ZNF141: variants seen among roughly 807,000 people sequenced by gnomAD.
ZNF141 encodes the protein zinc finger protein 141.
A neutral mutation model predicts 11.3 loss-of-function variants in ZNF141; 7 were observed. The ratio of observed to expected loss-of-function variants is 0.62; its 90% CI spans 0.35 to 1.16. The LOEUF is 1.16. Ranked by LOEUF, ZNF141 falls within the 50% of genes most tolerant of loss-of-function variation. The probability of loss-of-function intolerance (pLI) is 0.02; values close to 1 mark genes in which losing one functional copy is unlikely to be tolerated. For missense variants in ZNF141, 535 were observed against 554.0 expected (o/e 0.97, Z 0.34); for synonymous variants, 183 against 190.7 (o/e 0.96, Z 0.33).
In ZNF141 at chr4:372,673, C is replaced by T. The variant is rs781893905; in HGVS notation, c.236C>T (p.Ser79Phe). Residue 79 changes from serine to phenylalanine, a missense_variant, in exon 4 of 4, where the codon TCT becomes TTT. Transcript: ENST00000240499. Reference protein sequence around the residue: ...KIVARPPAMCSHFTQDHWPVQ... With the variant: ...KIVARPPAMCFHFTQDHWPVQ... ...TTTTTATTTCTTTCAGCTATGTGTTCTCATTTCACCCAAGACCATTGGCCA... is the reference window on the plus strand; with the variant it reads ...TTTTTATTTCTTTCAGCTATGTGTTTTCATTTCACCCAAGACCATTGGCCA... 2.6e-6 allele frequency: 4 copies of T among 1,516,016 alleles called. No homozygotes were observed. Among genetic ancestry groups the T allele is most frequent in the Non-Finnish European group, 3.5e-6 (4 of 1,130,850 alleles). The allele number at this position is 1,516,016 out of a possible 1,614,324, so 93.9% of individuals were successfully genotyped here.
At chr4:354,314 G>A (rs1721748356) in intron 3 of ZNF141, among the ~76,000 whole-genome samples, 1 of 152,160 alleles carries the variant, frequency 6.6e-6, no homozygotes, top group African/African-American at 2.4e-5. Context: ...GCATGCCCAA[G>A]GTCACCCTGC....
At position 372,879 on chromosome 4, in the gene ZNF141, A is replaced by G; in HGVS notation, c.442A>G (p.Lys148Glu). The stretch of plus-strand genomic sequence containing the variant: ...TACCCAGAGCAAAATACTTCAGTGT[A>G]AAGCAAGTGTCAAAGTTGTTAGTAA... ...STTQSKILQC[K>E]ASVKVVSKFS... The change falls in exon 4 of 4, where the codon AAA becomes GAA. Residue 148 changes from lysine to glutamate, a missense_variant. Lys to Glu is a moderately conservative substitution (Grantham distance 56). Coordinates refer to ENST00000240499, the MANE Select transcript of ZNF141 (RefSeq NM_003441.4). 1 of 1,613,412 alleles carries G rather than the reference A, an allele frequency of 6.2e-7. No individual in the cohort carries two copies. The highest frequency in any genetic ancestry group is 8.5e-7 in the Non-Finnish European group (1 of 1,179,490).
chr4:355,058 T>TGC (rs1721779967), intron 3 of ZNF141, among the ~76,000 whole-genome samples: 1 of 152,138 alleles, frequency 6.6e-6, no homozygotes, highest in Admixed American at 6.6e-5. Flanking sequence ...TTAACATATG[T>TGC]TTATATATTT....
intron 3 of ZNF141, among the ~76,000 whole-genome samples, 178 bp downstream of exon 3, chr4:344,608 A>G (rs1721232134): frequency 6.6e-6 from 1 of 152,178 alleles, no homozygotes; most frequent in African/African-American, 2.4e-5. Flanking sequence ...ATCCTGGCCA[A>G]CATGGTGAAA....
rs934837184 is a variant in ZNF141 at position 365,416 on chromosome 4, G to A, written c.227-7248G>A. On this transcript the variant is annotated intron_variant, in intron 3 of 3. Coordinates refer to ENST00000240499, the MANE Select transcript of ZNF141 (RefSeq NM_003441.4). ...AGTGCAGAAATCACCCGTCTTTTAC[G>A]TCAGTCACGCTGTGAGCTGCAAACC... Among the ~76,000 whole-genome samples, 11 of 152,184 alleles carry A rather than the reference G, an allele frequency of 7.2e-5. No homozygotes were observed. The East Asian group carries it at 7.7e-4, about 11-fold the overall frequency.
At chr4:368,353 T>C (rs1475704653) in intron 3 of ZNF141, among the ~76,000 whole-genome samples, 7 of 152,116 alleles carry the variant, frequency 4.6e-5, no homozygotes, top group African/African-American at 1.7e-4. Context: ...GCAATTCTTG[T>C]GCCTCAACCA....
At chr4:354,599 G>C (rs1309379590) in intron 3 of ZNF141, among the ~76,000 whole-genome samples, 1 of 151,790 alleles carries the variant, frequency 6.6e-6, no homozygotes, top group Admixed American at 6.6e-5. Context: ...TGTTTATTAT[G>C]CTAACATTGG....
At chr4:372,631 A>C in intron 3 of ZNF141, 33 bp from the exon 4 acceptor site, 3 of 1,445,866 alleles carry the variant, frequency 2.1e-6, no homozygotes, top group Non-Finnish European at 2.8e-6. Context: ...GAATCTACTA[A>C]GTGGGATAAT....
intron 3 of ZNF141, among the ~76,000 whole-genome samples, chr4:365,425 G>A (rs1473741137): frequency 4.6e-5 from 7 of 152,186 alleles, no homozygotes; most frequent in African/African-American, 1.4e-4. Context: ...CGTCAGTCAC[G>A]CTGTGAGCTG....
chr4:357,189 C>A (rs1553851314), intron 3 of ZNF141, among the ~76,000 whole-genome samples: 4 of 152,132 alleles, frequency 2.6e-5, no homozygotes, highest in Non-Finnish European at 5.9e-5. Context: ...GAACTCCTGA[C>A]CTCAAGCACT....
rs1553853833 is a variant in ZNF141 at position 373,017 on chromosome 4, G to T, written c.580G>T (p.Ala194Ser). The part of the protein sequence containing the change: ...SHLTQHKVIH[A>S]GEKPYTCEEC... Reference sequence around the variant, plus strand: ...CCTAACTCAACATAAGGTAATTCATGCTGGAGAGAAACCCTACACTTGTGA... The same window carrying T: ...CCTAACTCAACATAAGGTAATTCATTCTGGAGAGAAACCCTACACTTGTGA... Residue 194 changes from alanine to serine, a missense_variant, in exon 4 of 4, where the codon GCT (alanine) becomes TCT (serine). Physicochemically the swap from Ala to Ser is moderately conservative, Grantham distance 99. Coordinates refer to ENST00000240499, the MANE Select transcript of ZNF141 (RefSeq NM_003441.4). 1 of 1,613,952 alleles carries T rather than the reference G, an allele frequency of 6.2e-7. No homozygotes were observed. Among genetic ancestry groups the T allele is most frequent in the Non-Finnish European group, 8.5e-7 (1 of 1,179,956 alleles).
rs990473403 is a variant in ZNF141 at position 379,664 on chromosome 4, C to T, written c.*5802C>T. On this transcript the variant is annotated 3_prime_UTR_variant, in exon 4 of 4. Transcript: ENST00000240499. ...CTGGAATTACAGGCGTGAGCCACTG[C>T]GCCCAGCCTCTATGGTTATTATATT... Among the ~76,000 whole-genome samples, 8 of 152,210 alleles carry T rather than the reference C, an allele frequency of 5.3e-5. No homozygotes were observed. Among genetic ancestry groups the T allele is most frequent in the East Asian group, 3.9e-4 (2 of 5,170 alleles).
At position 337,830 on chromosome 4, in the gene ZNF141, AC is replaced by A; in HGVS notation, c.-153del. The A allele has an allele frequency of 1.1e-6, 1 of 952,232 alleles. No homozygotes were observed. 59.0% of individuals were successfully genotyped at this position (952,232 alleles called of 1,614,324 possible). A position where few individuals can be genotyped will look rare whatever the true frequency, so the allele number is the denominator to read the frequency against. ...GTGGCGCGGGTCTTTGCGTCTGGCT[AC>A]TACCAGACCGCGGGTTAGGGGCTTC... is the stretch of plus-strand genomic sequence containing the variant. On this transcript the variant is annotated 5_prime_UTR_variant, in exon 1 of 4. Transcript: ENST00000240499.
chr4:381,404 T>C lies in ZNF141; in HGVS notation c.*7542T>C, dbSNP rs1712609835. Reference sequence around the variant, plus strand: ...TTAATACAGACTTCAAATGTGCTTTTTTTTTTTTTTTTTTTTTTTTTTGAG... The same window carrying C: ...TTAATACAGACTTCAAATGTGCTTTCTTTTTTTTTTTTTTTTTTTTTTGAG... On this transcript the variant is annotated 3_prime_UTR_variant, in exon 4 of 4. Transcript: ENST00000240499. Among the ~76,000 whole-genome samples the C allele has an allele frequency of 1.2e-5, 1 of 84,972 alleles. No individual in the cohort carries two copies. Among genetic ancestry groups the C allele is most frequent in the East Asian group, 2.8e-4 (1 of 3,588 alleles). 55.7% of individuals were successfully genotyped at this position (84,972 alleles called of 152,430 possible).
At chr4:343,977 C>A (rs1581582602) in intron 2 of ZNF141, 69 bp downstream of exon 2, 1 of 1,546,884 alleles carries the variant, frequency 6.5e-7, no homozygotes, top group African/African-American at 1.4e-5. Flanking sequence ...TGAAGAATTT[C>A]TCCTGGGAAC....
chr4:350,540 C>T (rs1296273618), intron 3 of ZNF141, among the ~76,000 whole-genome samples: 2 of 152,084 alleles, frequency 1.3e-5, no homozygotes, highest in Non-Finnish European at 2.9e-5. Context: ...TGAATTTTTT[C>T]ACTTTTTCAC....
intron 1 of ZNF141, among the ~76,000 whole-genome samples, chr4:340,420 C>CATTGGCA (rs1560177833): frequency 6.6e-6 from 1 of 152,210 alleles, no homozygotes; most frequent in Non-Finnish European, 1.5e-5. Flanking sequence ...TTTCAGTGTG[C>CATTGGCA]CAATGATCTT....
In ZNF141 at chr4:380,695, G is replaced by A. The variant is rs1207685472; in HGVS notation, c.*6833G>A. ...AATTAATTTTCACAGAAAATTAATA[G>A]CATAGGTATTATTATCCTCATTTTA... On this transcript the variant is annotated 3_prime_UTR_variant, in exon 4 of 4. Coordinates refer to ENST00000240499, the MANE Select transcript of ZNF141 (RefSeq NM_003441.4). 1.3e-5 allele frequency among the ~76,000 whole-genome samples: 2 copies of A among 151,938 alleles called. No homozygotes were observed. Among genetic ancestry groups the A allele is most frequent in the African/African-American group, 4.8e-5 (2 of 41,320 alleles).
chr4:369,756 A>ATTTTTTTTTTTTTTTT (rs1560196775), intron 3 of ZNF141, among the ~76,000 whole-genome samples: 1 of 35,360 alleles, frequency 2.8e-5, no homozygotes, highest in African/African-American at 1.6e-4. Context: ...ATATATATAT[A>ATTTTTTTTTTTTTTTT]TATATATATT....
Sources: gnomAD v4.1 joint callset for allele counts (sites outside exome capture counted in the v4.1 genomes callset) on GRCh38, gnomAD v4.1.1 for gene constraint, MANE v1.5 for transcripts, NCBI Gene and HGNC (gene_info 2026-07-23, HGNC 2026-07-21) for gene names.